ADAMTS19: variants seen among roughly 807,000 people sequenced by gnomAD.
ADAMTS19 encodes ADAM metallopeptidase with thrombospondin type 1 motif 19, also known as A disintegrin and metalloproteinase with thrombospondin motifs 19.
ADAMTS19 carries 93 observed loss-of-function variants against 153.3 expected under a neutral mutation model. The observed-to-expected ratio is 0.61, with a 90% CI of 0.51 to 0.72. The LOEUF (loss-of-function observed/expected upper bound fraction) is 0.72, where lower values mean the gene tolerates loss of function less well. Ranked by LOEUF, ADAMTS19 falls within the 30% of genes least tolerant of loss-of-function variation. ADAMTS19 has a pLI of 0.00. For synonymous variants in ADAMTS19, 600 were observed against 556.6 expected (o/e 1.08, Z -1.10); for missense variants, 1,482 against 1,552.1 (o/e 0.95, Z 0.76).
intron 6 of ADAMTS19, among the ~76,000 whole-genome samples, chr5:129,544,207 A>G (rs972810723): frequency 1.3e-5 from 2 of 152,152 alleles, no homozygotes; most frequent in African/African-American, 4.8e-5. Context: ...AAATAACAAT[A>G]TTGTAGTAAT....
At chr5:129,676,534 G>C (rs1204698623) in intron 16 of ADAMTS19, among the ~76,000 whole-genome samples, 1 of 151,970 alleles carries the variant, frequency 6.6e-6, no homozygotes, top group Non-Finnish European at 1.5e-5. Flanking sequence ...ATATTTTCAA[G>C]CAGAAAGCCA....
At chr5:129,467,567 G>A (rs761657932) in intron 2 of ADAMTS19, among the ~76,000 whole-genome samples, 4 of 152,150 alleles carry the variant, frequency 2.6e-5, no homozygotes, top group Admixed American at 2.0e-4. Flanking sequence ...ATAGAGGAGA[G>A]ATGATCTACA....
At chr5:129,570,474 A>G (rs1753858770) in intron 7 of ADAMTS19, among the ~76,000 whole-genome samples, 1 of 151,842 alleles carries the variant, frequency 6.6e-6, no homozygotes, top group Admixed American at 6.6e-5. Context: ...AGGATGTTTC[A>G]TTAGTAAATT....
intron 17 of ADAMTS19, among the ~76,000 whole-genome samples, chr5:129,681,257 T>TA (rs780241475): frequency 2.0e-5 from 3 of 152,200 alleles, no homozygotes; most frequent in Non-Finnish European, 4.4e-5. Context: ...GGGCAGGATC[T>TA]AAAATCTGTA....
At position 129,723,252 on chromosome 5, in the gene ADAMTS19, CTTCCCCCAGGTAT is replaced by C. The variant is rs529315323; in HGVS notation, c.3313-11674_3313-11662del. On this transcript the variant is annotated intron_variant, in intron 21 of 22. Transcript: ENST00000274487. ...TCTGTAAACTTGAACATTGCTTATA[CTTCCCCCAGGTAT>C]TTCCCTTTCAGCTAGTTTATTTAGA... 2.6e-5 allele frequency among the ~76,000 whole-genome samples: 4 copies of C among 152,290 alleles called. No homozygotes were observed. In the East Asian group the frequency reaches 7.7e-4, roughly 29 times the overall value.
At chr5:129,603,923 A>C (rs547949684) in intron 8 of ADAMTS19, among the ~76,000 whole-genome samples, 1 of 152,062 alleles carries the variant, frequency 6.6e-6, no homozygotes, top group Non-Finnish European at 1.5e-5. Context: ...AGCTAACTTT[A>C]CTCAACCTAC....
At chr5:129,566,685 T>C (rs1753728444) in intron 7 of ADAMTS19, among the ~76,000 whole-genome samples, 4 of 152,108 alleles carry the variant, frequency 2.6e-5, no homozygotes, top group Admixed American at 2.6e-4. Flanking sequence ...GCCCTGATGC[T>C]CAGAGAAAGT....
At chr5:129,700,145 ATAGGTTT>A (rs2127158009) in intron 19 of ADAMTS19, among the ~76,000 whole-genome samples, 1 of 152,328 alleles carries the variant, frequency 6.6e-6, no homozygotes, top group South Asian at 2.1e-4. Flanking sequence ...CTTTTCTGTC[ATAGGTTT>A]TAGTTCTTTC....
intron 16 of ADAMTS19, among the ~76,000 whole-genome samples, chr5:129,669,081 T>A (rs1754182346): frequency 6.7e-6 from 1 of 150,322 alleles, no homozygotes; most frequent in African/African-American, 2.5e-5. Context: ...CAGGAATATA[T>A]ATATGTGTAT....
intron 3 of ADAMTS19, among the ~76,000 whole-genome samples, chr5:129,520,235 T>G (rs6882724): frequency 0.047 from 7,157 of 152,198 alleles, 211 homozygotes; most frequent in African/African-American, 0.08. Flanking sequence ...CTCCAAGACT[T>G]AGTGCCTTAG....
At chr5:129,539,547 G>A (rs187808073) in intron 6 of ADAMTS19, among the ~76,000 whole-genome samples, 1 of 152,156 alleles carries the variant, frequency 6.6e-6, no homozygotes, top group African/African-American at 2.4e-5. Flanking sequence ...ATCTGTTATA[G>A]CAGCAATCGG....
chr5:129,557,833 A>G (rs565171246), intron 7 of ADAMTS19, among the ~76,000 whole-genome samples: 1 of 152,284 alleles, frequency 6.6e-6, no homozygotes, highest in East Asian at 1.9e-4. Flanking sequence ...GAAAGAAATT[A>G]AGAAAGTCAA....
intron 14 of ADAMTS19, among the ~76,000 whole-genome samples, chr5:129,656,135 TAC>T (rs978649805): frequency 3.5e-4 from 53 of 152,182 alleles, no homozygotes; most frequent in African/African-American, 1.3e-3. Context: ...GCCAAATTTT[TAC>T]AGAGTCCCTG....
At chr5:129,699,433 A>T (rs1407006028) in intron 19 of ADAMTS19, among the ~76,000 whole-genome samples, 1 of 152,048 alleles carries the variant, frequency 6.6e-6, no homozygotes, top group African/African-American at 2.4e-5. Context: ...AAAAAAAAAA[A>T]AAAAAAAGAA....
chr5:129,657,218 G>C (rs1456087005), intron 14 of ADAMTS19, among the ~76,000 whole-genome samples: 2 of 152,166 alleles, frequency 1.3e-5, no homozygotes, highest in Non-Finnish European at 2.9e-5. Context: ...ATGCTGTATT[G>C]TGCAGTTTTA....
intron 10 of ADAMTS19, among the ~76,000 whole-genome samples, chr5:129,640,024 A>C (rs534450818): frequency 1.3e-5 from 2 of 152,328 alleles, no homozygotes; most frequent in East Asian, 3.9e-4. Context: ...ATAATTTTCT[A>C]GGTGAATTTT....
chr5:129,661,598 A>G (rs1753815431), intron 15 of ADAMTS19, among the ~76,000 whole-genome samples: 1 of 152,200 alleles, frequency 6.6e-6, no homozygotes, highest in African/African-American at 2.4e-5. Flanking sequence ...AGAGTTTACT[A>G]AATCATTCTT....
intron 19 of ADAMTS19, among the ~76,000 whole-genome samples, chr5:129,696,254 C>G (rs568296954): frequency 2.0e-5 from 3 of 152,146 alleles, no homozygotes; most frequent in East Asian, 3.9e-4. Flanking sequence ...CCCATCTCTA[C>G]TAAAAATACA....
At chr5:129,609,681 T>C (rs1004761216) in intron 8 of ADAMTS19, among the ~76,000 whole-genome samples, 1 of 152,170 alleles carries the variant, frequency 6.6e-6, no homozygotes, top group African/African-American at 2.4e-5. Flanking sequence ...TCAACCAGTA[T>C]AGATGTGGCA....
Sources: gnomAD v4.1 joint callset for allele counts (sites outside exome capture counted in the v4.1 genomes callset) on GRCh38, gnomAD v4.1.1 for gene constraint, MANE v1.5 for transcripts, NCBI Gene and HGNC (gene_info 2026-07-23, HGNC 2026-07-21) for gene names.